Variants in ABCC4 observed in about 807,000 individuals in gnomAD.
The protein encoded by ABCC4 is ATP binding cassette subfamily C member 4 (PEL blood group), also known as ATP-binding cassette sub-family C member 4.
Under a neutral mutation model 168.5 loss-of-function variants are expected in ABCC4, and 102 were observed. That is an observed-to-expected ratio of 0.61 (90% CI 0.52 to 0.71). ABCC4 has a LOEUF of 0.71. ABCC4 is among the 30% of genes least tolerant of loss of function. The pLI is 0.00. For missense variants in ABCC4, 1,402 were observed against 1,605.8 expected, an observed-to-expected ratio of 0.87 and a Z score of 2.17; for synonymous variants, 617 against 590.7, an observed-to-expected ratio of 1.04 and a Z score of -0.65.
At chr13:95,098,798 A>G (rs989874196) in intron 20 of ABCC4, among the ~76,000 whole-genome samples, 3 of 152,218 alleles carry the variant, frequency 2.0e-5, no homozygotes, top group Admixed American at 6.5e-5. Flanking sequence ...AAAAAGCTCA[A>G]TATTAATCAT....
chr13:95,105,768 G>C (rs1254203343), intron 20 of ABCC4, among the ~76,000 whole-genome samples: 1 of 152,134 alleles, frequency 6.6e-6, no homozygotes, highest in Non-Finnish European at 1.5e-5. Flanking sequence ...GCATAGCTTG[G>C]AATGGAGTGA....
In ABCC4 at chr13:95,247,673, C is replaced by A; in HGVS notation, c.155G>T (p.Arg52Leu). 1.2e-6 allele frequency: 2 copies of A among 1,613,896 alleles called. No individual in the cohort carries two copies. Among genetic ancestry groups the A allele is most frequent in the Non-Finnish European group, 8.5e-7 (1 of 1,179,888 alleles). ...CAACTCCTCTCCAAGGTGCTGTGAG[C>A]GGTCTTCTGGCAGCACTGAATACAT... ...DDMYSVLPEDRSQHLGEELQG... is the reference protein window; with the variant it reads ...DDMYSVLPEDLSQHLGEELQG... Residue 52 changes from arginine (R) to leucine (L), a missense_variant, in exon 2 of 31, where the codon CGC becomes CTC. Physicochemically the swap from Arg to Leu is moderately radical, Grantham distance 102. Coordinates refer to ENST00000645237, the MANE Select transcript of ABCC4 (RefSeq NM_005845.5).
chr13:95,026,551 C>T (rs920138736), intron 30 of ABCC4, among the ~76,000 whole-genome samples: 5 of 152,024 alleles, frequency 3.3e-5, no homozygotes, highest in Non-Finnish European at 5.9e-5. Flanking sequence ...TGAAAGACTG[C>T]ACAATAATGT....
At chr13:95,184,033 C>A (rs543477544) in intron 11 of ABCC4, among the ~76,000 whole-genome samples, 1 of 152,340 alleles carries the variant, frequency 6.6e-6, no homozygotes, top group East Asian at 1.9e-4. Context: ...GCACAGGGGG[C>A]CAGCAGTCCA....
At chr13:95,153,391 A>T (rs1391369410) in intron 19 of ABCC4, among the ~76,000 whole-genome samples, 2 of 152,220 alleles carry the variant, frequency 1.3e-5, no homozygotes, top group Admixed American at 6.5e-5. Context: ...AACACATATC[A>T]AATCAGTTAA....
At chr13:95,198,819 G>A (rs1316409595) in intron 8 of ABCC4, among the ~76,000 whole-genome samples, 1 of 152,146 alleles carries the variant, frequency 6.6e-6, no homozygotes, top group Admixed American at 6.5e-5. Context: ...GGACATGGAT[G>A]AAGCTGGAAA....
intron 19 of ABCC4, among the ~76,000 whole-genome samples, chr13:95,130,012 T>C (rs1434578318): frequency 6.7e-6 from 1 of 148,716 alleles, no homozygotes; most frequent in African/African-American, 2.5e-5. Context: ...GGAGTGGAGG[T>C]TGCAGTGAGC....
intron 29 of ABCC4, 124 bp downstream of exon 29, chr13:95,043,558 A>G: frequency 2.8e-6 from 2 of 708,898 alleles, no homozygotes; most frequent in Non-Finnish European, 4.6e-6. Context: ...ACTGCTGGGA[A>G]GAGAGCCAAA....
At chr13:95,098,066 G>A (rs2034668794) in intron 20 of ABCC4, among the ~76,000 whole-genome samples, 1 of 151,410 alleles carries the variant, frequency 6.6e-6, no homozygotes, top group African/African-American at 2.4e-5. Context: ...AACCTGGGAG[G>A]TGGAGGTTGC....
chr13:95,285,916 T>C (rs1241841819), intron 1 of ABCC4, among the ~76,000 whole-genome samples: 1 of 152,100 alleles, frequency 6.6e-6, no homozygotes, highest in Non-Finnish European at 1.5e-5. Flanking sequence ...TCTGGAATCA[T>C]TGCGTGCCTC....
intron 1 of ABCC4, among the ~76,000 whole-genome samples, chr13:95,250,396 T>C (rs936579048): frequency 6.6e-6 from 1 of 152,190 alleles, no homozygotes; most frequent in Non-Finnish European, 1.5e-5. Context: ...GCCATATTAT[T>C]TGGAATCCCC....
At chr13:95,047,476 C>CTT (rs71111586) in intron 27 of ABCC4, among the ~76,000 whole-genome samples, 50,951 of 83,230 alleles carry the variant, frequency 0.61, 16,535 homozygotes, top group South Asian at 0.8. Flanking sequence ...ACTGCCTATT[C>CTT]TTTTTTTTTT....
intron 22 of ABCC4, 102 bp downstream of exon 22, chr13:95,075,329 TG>T: frequency 6.7e-7 from 1 of 1,488,636 alleles, no homozygotes; most frequent in Non-Finnish European, 9.2e-7. Flanking sequence ...GATGTGGGGC[TG>T]GGCCCTGAGG....
chr13:95,040,389 G>A (rs1469406699), intron 29 of ABCC4, among the ~76,000 whole-genome samples: 1 of 152,052 alleles, frequency 6.6e-6, no homozygotes, highest in African/African-American at 2.4e-5. Flanking sequence ...ACGGCACCAC[G>A]CCCAGCTAAT....
At chr13:95,208,915 C>A (rs2038867180) in intron 6 of ABCC4, among the ~76,000 whole-genome samples, 1 of 152,156 alleles carries the variant, frequency 6.6e-6, no homozygotes, top group South Asian at 2.1e-4. Context: ...CCACCACGAC[C>A]AGCTAACAAC....
At chr13:95,025,807 A>T (rs1335052971) in intron 30 of ABCC4, among the ~76,000 whole-genome samples, 1 of 152,232 alleles carries the variant, frequency 6.6e-6, no homozygotes, top group Non-Finnish European at 1.5e-5. Flanking sequence ...CAGCAGAATG[A>T]TCAGGCTGTG....
chr13:95,076,544 G>A (rs1413425280), intron 21 of ABCC4, among the ~76,000 whole-genome samples: 2 of 147,322 alleles, frequency 1.4e-5, no homozygotes, highest in Non-Finnish European at 3.0e-5. Flanking sequence ...TTGCCGCCCT[G>A]CCCCGACCTG....
chr13:95,158,567 A>T (rs1477268315), intron 19 of ABCC4, among the ~76,000 whole-genome samples: 1 of 152,068 alleles, frequency 6.6e-6, no homozygotes, highest in Non-Finnish European at 1.5e-5. Context: ...GCTCATAGGA[A>T]ACTCCCCCGG....
chr13:95,277,045 T>G (rs545794109), intron 1 of ABCC4, among the ~76,000 whole-genome samples: 1 of 152,092 alleles, frequency 6.6e-6, no homozygotes, highest in African/African-American at 2.4e-5. Flanking sequence ...AATAAATAAA[T>G]AAACAAAGTA....
Sources: gnomAD v4.1 joint callset for allele counts (sites outside exome capture counted in the v4.1 genomes callset) on GRCh38, gnomAD v4.1.1 for gene constraint, MANE v1.5 for transcripts, NCBI Gene and HGNC (gene_info 2026-07-23, HGNC 2026-07-21) for gene names.